Variants in RRM2 observed in about 807,000 individuals in gnomAD.
RRM2 encodes the protein ribonucleoside-diphosphate reductase subunit M2.
Under a neutral mutation model 45.9 loss-of-function variants are expected in RRM2, and 6 were observed. The ratio of observed to expected loss-of-function variants is 0.13; its 90% CI spans 0.07 to 0.26. The LOEUF is 0.26. RRM2 is among the 10% of genes least tolerant of loss of function. The probability of loss-of-function intolerance (pLI) is 1.00; values close to 1 mark genes in which losing one functional copy is unlikely to be tolerated. For missense variants in RRM2, 343 were observed against 489.5 expected (o/e 0.70, Z 2.82); for synonymous variants, 177 against 173.0 (o/e 1.02, Z -0.18).
intron 3 of RRM2, among the ~76,000 whole-genome samples, chr2:10,179,312 C>T (rs191654810): frequency 3.9e-5 from 6 of 152,098 alleles, no homozygotes; most frequent in South Asian, 2.1e-4. Context: ...CCACCACGCC[C>T]GGCTAATTTT....
intron 3 of RRM2, among the ~76,000 whole-genome samples, chr2:10,177,984 CG>C (rs933848378): frequency 2.0e-5 from 3 of 150,732 alleles, no homozygotes; most frequent in Non-Finnish European, 4.4e-5. Context: ...TGCAGTGGCG[CG>C]ATCTCGGCTC....
upstream of RRM2, among the ~76,000 whole-genome samples, chr2:10,140,669 A>G (rs1252832388): frequency 1.3e-5 from 2 of 152,226 alleles, no homozygotes; most frequent in Non-Finnish European, 2.9e-5. Context: ...AAATAGCAGA[A>G]CGTAAAGTTA....
upstream of RRM2, among the ~76,000 whole-genome samples, chr2:10,138,309 G>A (rs758217550): frequency 2.0e-5 from 3 of 151,920 alleles, no homozygotes; most frequent in South Asian, 2.1e-4. Context: ...CTGGGATTAC[G>A]GGCACATGCC....
At position 10,185,583 on chromosome 2, in the gene RRM2, GC is replaced by G. The variant is rs973887667; in HGVS notation, n.483-24726del. On this transcript the variant is annotated intron_variant and non_coding_transcript_variant, in intron 3 of 3. Coordinates refer to the RRM2 transcript ENST00000381786. The surrounding 1 kb of genome is among the most constrained non-coding windows in gnomAD (Gnocchi z 4.3). ...TCCGGATGGTTTTAAGGTGATTTTAGCCATCGAATTCCATATGACTCTGTTC... is the reference window on the plus strand; with the variant it reads ...TCCGGATGGTTTTAAGGTGATTTTAGCATCGAATTCCATATGACTCTGTTC... Among the ~76,000 whole-genome samples the G allele has an allele frequency of 8.5e-5, 13 of 152,138 alleles. No individual in the cohort carries two copies. The highest frequency in any genetic ancestry group is 3.1e-4 in the African/African-American group (13 of 41,434).
At chr2:10,123,191 G>C in intron 2 of RRM2, 134 bp downstream of exon 2, 2 of 1,285,378 alleles carry the variant, frequency 1.6e-6, no homozygotes, top group Non-Finnish European at 2.1e-6. Context: ...CCCCAGGGCT[G>C]CCTCCCGCGC....
intron 5 of RRM2, among the ~76,000 whole-genome samples, chr2:10,125,776 G>T (rs1171812027): frequency 1.3e-5 from 2 of 152,220 alleles, no homozygotes; most frequent in Non-Finnish European, 2.9e-5. Context: ...TGTAGACTTT[G>T]AAGTACATGA....
At chr2:10,199,520 A>G (rs954390824) in intron 3 of RRM2, among the ~76,000 whole-genome samples, 19 of 152,056 alleles carry the variant, frequency 1.2e-4, no homozygotes, top group Admixed American at 7.9e-4. Context: ...GGTGGCTCAC[A>G]CCTGTAATCC....
intron 3 of RRM2, among the ~76,000 whole-genome samples, chr2:10,176,008 A>T (rs550917446): frequency 2.4e-4 from 36 of 152,310 alleles, no homozygotes; most frequent in African/African-American, 8.4e-4. Context: ...TAATGTCTTC[A>T]GAGTTCATCC....
chr2:10,127,037 C>G lies in RRM2; in HGVS notation c.665-50C>G, dbSNP rs1311018266. 9 of 1,610,576 alleles carry G rather than the reference C, an allele frequency of 5.6e-6. No individual in the cohort carries two copies. Among genetic ancestry groups the G allele is most frequent in the Non-Finnish European group, 6.8e-6 (8 of 1,177,200 alleles). ...CCAAGTAATGTTACTGGATTTTTGGCCCTTGAATACCAACTCACTAGAATC... is the reference window on the plus strand; with the variant it reads ...CCAAGTAATGTTACTGGATTTTTGGGCCTTGAATACCAACTCACTAGAATC... On this transcript the variant is annotated intron_variant, in intron 6 of 9. Transcript: ENST00000304567. This position sits in a 1 kb window ranked among gnomAD's most constrained non-coding sequence, Gnocchi z 4.1.
At chr2:10,140,768 A>AG (rs1422217999), upstream of RRM2, among the ~76,000 whole-genome samples, 6 of 152,200 alleles carry the variant, frequency 3.9e-5, no homozygotes, top group African/African-American at 1.4e-4. Context: ...AAGGTGCCTT[A>AG]GGGGGCAGGT....
At chr2:10,207,314 C>T (rs1024257959) in intron 3 of RRM2, among the ~76,000 whole-genome samples, 1 of 152,206 alleles carries the variant, frequency 6.6e-6, no homozygotes, top group African/African-American at 2.4e-5. Flanking sequence ...GCATTTTGCT[C>T]ACCACCTGCA....
At chr2:10,206,071 C>G (rs540441124) in intron 3 of RRM2, among the ~76,000 whole-genome samples, 139 of 151,934 alleles carry the variant, frequency 9.1e-4, no homozygotes, top group Non-Finnish European at 1.8e-3. Flanking sequence ...ATGGTGAAAC[C>G]CTGTCTGTAC....
At chr2:10,138,089 C>T (rs1663021943), upstream of RRM2, among the ~76,000 whole-genome samples, 1 of 152,160 alleles carries the variant, frequency 6.6e-6, no homozygotes, top group South Asian at 2.1e-4. Context: ...CAACCTCTGC[C>T]TCCCAGGTTC....
At chr2:10,138,445 C>T (rs1016190017), upstream of RRM2, among the ~76,000 whole-genome samples, 4 of 151,926 alleles carry the variant, frequency 2.6e-5, no homozygotes, top group Admixed American at 2.6e-4. Flanking sequence ...GGGATTACAA[C>T]CATTAGCCAC....
In RRM2 at chr2:10,207,494, G is replaced by T. The variant is rs566189085; in HGVS notation, n.483-2817G>T. On this transcript the variant is annotated intron_variant and non_coding_transcript_variant, in intron 3 of 3. Transcript: ENST00000381786. ...CAAGACAAAAACGTTTAAGAGGTTA[G>T]AGAGGTCTTCATGATTCAGTCCCCA... 2.0e-5 allele frequency among the ~76,000 whole-genome samples: 3 copies of T among 152,274 alleles called. No homozygotes were observed. In the South Asian group the frequency reaches 6.2e-4, roughly 32 times the overall value.
intron 3 of RRM2, among the ~76,000 whole-genome samples, chr2:10,186,990 G>T (rs1056033682): frequency 6.6e-6 from 1 of 152,264 alleles, no homozygotes; most frequent in African/African-American, 2.4e-5. Flanking sequence ...CCCCCGAAGG[G>T]GGGCTCAGAG....
At chr2:10,139,603 A>T (rs1253176267), upstream of RRM2, among the ~76,000 whole-genome samples, 4 of 152,018 alleles carry the variant, frequency 2.6e-5, no homozygotes, top group African/African-American at 9.7e-5. Flanking sequence ...GTTCTTTCTC[A>T]TCTCTCTTGG....
Position 10,129,485 on chromosome 2 carries a change from C to A in RRM2, c.*99C>A. 1 of 1,230,012 alleles carries A rather than the reference C, an allele frequency of 8.1e-7. No homozygotes were observed. Among genetic ancestry groups the A allele is most frequent in the Non-Finnish European group, 1.1e-6 (1 of 872,628 alleles). 76.2% of individuals were successfully genotyped at this position (1,230,012 alleles called of 1,614,324 possible). On this transcript the variant is annotated 3_prime_UTR_variant, in exon 10 of 10. Transcript: ENST00000304567. This position sits in a 1 kb window ranked among gnomAD's most constrained non-coding sequence, Gnocchi z 4.8. The stretch of plus-strand genomic sequence containing the variant: ...CCAACTAGCCACACCATGAATTGTC[C>A]GTAATGTTCATTAACAGCATCTTTA...
In RRM2 at chr2:10,126,864, G is replaced by C. The variant is rs776835938; in HGVS notation, c.570-11G>C. 6.2e-7 allele frequency: 1 copy of C among 1,607,318 alleles called. No homozygotes were observed. The highest frequency in any genetic ancestry group is 8.5e-7 in the Non-Finnish European group (1 of 1,174,864). On this transcript the variant is annotated splice_polypyrimidine_tract_variant and intron_variant, in intron 5 of 9. Transcript: ENST00000304567. ...AATGCTTCAATTGCTGATACCGTATGTGCCTACTAGGGAATTTCTCTTCAA... is the reference window on the plus strand; with the variant it reads ...AATGCTTCAATTGCTGATACCGTATCTGCCTACTAGGGAATTTCTCTTCAA...
Sources: allele counts gnomAD v4.1 joint callset (sites outside exome capture counted in the v4.1 genomes callset), GRCh38; gene constraint gnomAD v4.1.1; non-coding constraint Gnocchi (gnomAD v3.1); transcripts MANE v1.5; gene names NCBI Gene and HGNC (gene_info 2026-07-23, HGNC 2026-07-21).